Variants in ARK2C observed in about 807,000 individuals in gnomAD.
ARK2C encodes E3 ubiquitin-protein ligase ARK2C.
chr18:46,398,310 C>T, the ARK2C span, among the ~76,000 whole-genome samples: 6 of 151,504 alleles, frequency 4.0e-5, no homozygotes, highest in Admixed American at 2.0e-4. Flanking sequence ...AGTGAGGCCG[C>T]AGGGCAGGAA....
At chr18:46,417,460 G>C in the ARK2C span, among the ~76,000 whole-genome samples, 1 of 152,240 alleles carries the variant, frequency 6.6e-6, no homozygotes, top group East Asian at 1.9e-4. Flanking sequence ...CAGGGCCTTT[G>C]CGTGTGCAGT....
chr18:46,346,822 T>C, the ARK2C span, among the ~76,000 whole-genome samples: 11 of 152,152 alleles, frequency 7.2e-5, no homozygotes, highest in South Asian at 2.1e-4. Context: ...TTAGGGGTCT[T>C]AGGGGAGTGC....
chr18:46,344,254 C>G, the ARK2C span, among the ~76,000 whole-genome samples: 19 of 152,164 alleles, frequency 1.2e-4, 1 homozygote, highest in Non-Finnish European at 2.2e-4. Flanking sequence ...ATTCAGTGGA[C>G]ACCTGTCTCA....
At chr18:46,384,363 G>T in the ARK2C span, among the ~76,000 whole-genome samples, 1 of 152,192 alleles carries the variant, frequency 6.6e-6, no homozygotes, top group East Asian at 1.9e-4. Flanking sequence ...GTGTGGGGGG[G>T]ATTCTTGATA....
the ARK2C span, among the ~76,000 whole-genome samples, chr18:46,364,998 A>G: frequency 6.6e-6 from 1 of 152,094 alleles, no homozygotes; most frequent in African/African-American, 2.4e-5. Context: ...TCCCTCTGTG[A>G]CAGGAGAAGA....
chr18:46,396,815 C>T, the ARK2C span, among the ~76,000 whole-genome samples: 32 of 152,198 alleles, frequency 2.1e-4, no homozygotes, highest in Non-Finnish European at 3.7e-4. Context: ...CAAGGACGGG[C>T]GTGGTGGGGC....
chr18:46,447,698 T>A, the ARK2C span: 1 of 1,613,990 alleles, frequency 6.2e-7, no homozygotes, highest in African/African-American at 1.3e-5. Flanking sequence ...AGATGGTAAG[T>A]GAAAGAAGAC....
chr18:46,336,997 A>G, the ARK2C span: 10 of 985,440 alleles, frequency 1.0e-5, no homozygotes, highest in Non-Finnish European at 1.2e-5. Context: ...TTAATTGTTT[A>G]ATTGTACAAT....
chr18:46,424,371 G>A, the ARK2C span, among the ~76,000 whole-genome samples: 1 of 152,172 alleles, frequency 6.6e-6, no homozygotes, highest in South Asian at 2.1e-4. Flanking sequence ...AGGGGGATTT[G>A]GGCAGGGAAT....
At chr18:46,348,721 A>G in the ARK2C span, among the ~76,000 whole-genome samples, 1 of 152,158 alleles carries the variant, frequency 6.6e-6, no homozygotes, top group Admixed American at 6.5e-5. Flanking sequence ...GTTTCTGCAG[A>G]AAGGTTACAT....
the ARK2C span, chr18:46,336,590 A>G: frequency 1.1e-5 from 11 of 985,310 alleles, no homozygotes; most frequent in Non-Finnish European, 1.2e-5. Flanking sequence ...TTGTAAAACT[A>G]TTAGAGAGTT....
chr18:46,425,663 T>C, the ARK2C span, among the ~76,000 whole-genome samples: 1 of 151,996 alleles, frequency 6.6e-6, no homozygotes, highest in Non-Finnish European at 1.5e-5. Flanking sequence ...GGCTCTTTGC[T>C]CCTGCCCAGG....
At chr18:46,430,175 T>C in the ARK2C span, among the ~76,000 whole-genome samples, 3 of 152,338 alleles carry the variant, frequency 2.0e-5, no homozygotes, top group East Asian at 1.9e-4. Flanking sequence ...AGCTCCTATA[T>C]GTTTGAAAAT....
the ARK2C span, among the ~76,000 whole-genome samples, chr18:46,425,414 G>C: frequency 6.6e-6 from 1 of 152,236 alleles, no homozygotes; most frequent in Non-Finnish European, 1.5e-5. Flanking sequence ...AGGCCAGGTA[G>C]AGATGTCAGG....
At chr18:46,355,236 A>G in the ARK2C span, among the ~76,000 whole-genome samples, 1 of 152,054 alleles carries the variant, frequency 6.6e-6, no homozygotes, top group African/African-American at 2.4e-5. Context: ...TACAAGCATG[A>G]GCCACCGGGC....
the ARK2C span, among the ~76,000 whole-genome samples, chr18:46,383,220 G>A: frequency 6.6e-6 from 1 of 152,274 alleles, no homozygotes. Context: ...GGCAGTGGGT[G>A]TTGGGGGCTG....
chr18:46,345,827 T>C, the ARK2C span, among the ~76,000 whole-genome samples: 2 of 152,184 alleles, frequency 1.3e-5, no homozygotes, highest in Non-Finnish European at 1.5e-5. Context: ...GGGGTGGCTA[T>C]ACACTCCTCT....
the ARK2C span, among the ~76,000 whole-genome samples, chr18:46,401,593 A>AGGAACACACAAATGAAACT: frequency 7.2e-5 from 11 of 152,208 alleles, no homozygotes; most frequent in Non-Finnish European, 1.3e-4. Context: ...AGCAGAGCCA[A>AGGAACACACAAATGAAACT]GGAACACACA....
chr18:46,337,479 C>G, the ARK2C span: 1 of 985,350 alleles, frequency 1.0e-6, no homozygotes, highest in Middle Eastern at 5.2e-4. Flanking sequence ...GTACTGTGGT[C>G]GTGTAGCCCG....
Sources: gnomAD v4.1 joint callset for allele counts (sites outside exome capture counted in the v4.1 genomes callset) on GRCh38, gnomAD v4.1.1 for gene constraint, MANE v1.5 for transcripts, NCBI Gene and HGNC (gene_info 2026-07-23, HGNC 2026-07-21) for gene names.